TMEM164: variants seen among roughly 807,000 people sequenced by gnomAD.
TMEM164 encodes the protein RP13-360B22.2.
Under a neutral mutation model 18.8 loss-of-function variants are expected in TMEM164, and 4 were observed. The observed-to-expected ratio is 0.21, with a 90% CI of 0.10 to 0.49. TMEM164 has a LOEUF of 0.49. TMEM164 is among the 20% of genes least tolerant of loss of function. The pLI is 0.98. For synonymous variants in TMEM164, 86 were observed against 101.7 expected, an observed-to-expected ratio of 0.85 and a Z score of 0.93; for missense variants, 108 against 239.9, an observed-to-expected ratio of 0.45 and a Z score of 3.63.
At chrX:110,072,828 CT>C (rs1338638211) in intron 3 of TMEM164, among the ~76,000 whole-genome samples, 61 of 101,166 alleles carry the variant, frequency 6.0e-4, no homozygotes, top group South Asian at 3.0e-3. Flanking sequence ...TATTTTTTGT[CT>C]TTTTTTTTTT....
At chrX:110,019,979 C>A (rs1404692670) in intron 2 of TMEM164, among the ~76,000 whole-genome samples, 1 of 112,238 alleles carries the variant, frequency 8.9e-6, no homozygotes, top group East Asian at 2.8e-4. Context: ...CACTGTTAGA[C>A]AGAAATATTC....
At chrX:110,011,484 C>A (rs947266454) in intron 2 of TMEM164, among the ~76,000 whole-genome samples, 1 of 111,399 alleles carries the variant, frequency 9.0e-6, no homozygotes, top group Non-Finnish European at 1.9e-5. Context: ...TATTTGAATG[C>A]GTAGGAATTC....
chrX:110,085,964 A>C (rs1223669039), intron 3 of TMEM164, among the ~76,000 whole-genome samples: 1 of 112,393 alleles, frequency 8.9e-6, no homozygotes, highest in Admixed American at 9.5e-5. Context: ...GCCAGTTTCT[A>C]GATGAACTCT....
At position 110,121,519 on chromosome X, in the gene TMEM164, A is replaced by G. The variant is rs774386381; in HGVS notation, c.507+12373A>G. On this transcript the variant is annotated intron_variant, in intron 4 of 6. Coordinates refer to ENST00000372068, the MANE Select transcript of TMEM164 (RefSeq NM_032227.4). ...TTTCAGGGTTCATCCATGTTGTTGC[A>G]TGTATCAGTACTTCATTCCTTTTTA... Among the ~76,000 whole-genome samples the G allele has an allele frequency of 2.7e-5, 3 of 112,425 alleles. No homozygotes were observed. In the East Asian group the frequency reaches 8.4e-4, roughly 31 times the overall value.
At chrX:110,005,376 A>T (rs958958990) in intron 2 of TMEM164, among the ~76,000 whole-genome samples, 1 of 111,743 alleles carries the variant, frequency 8.9e-6, no homozygotes, top group Admixed American at 9.5e-5. Context: ...TCAACCCCAA[A>T]GTGAGGGTGG....
chrX:110,146,396 AG>A (rs752737995), intron 5 of TMEM164, among the ~76,000 whole-genome samples: 2 of 112,468 alleles, frequency 1.8e-5, no homozygotes, highest in Non-Finnish European at 3.8e-5. Flanking sequence ...AGAATAATCC[AG>A]GAAGCCACAT....
intron 3 of TMEM164, among the ~76,000 whole-genome samples, chrX:110,082,636 T>C (rs945176968): frequency 2.7e-5 from 3 of 111,461 alleles, no homozygotes; most frequent in African/African-American, 9.8e-5. Context: ...GCCTCACCAG[T>C]TATTAACAAA....
chrX:110,097,827 C>G (rs1346172081), intron 3 of TMEM164, among the ~76,000 whole-genome samples: 2 of 112,168 alleles, frequency 1.8e-5, no homozygotes, highest in African/African-American at 3.2e-5. Context: ...TTAAAATGCT[C>G]AGAATCCTGG....
chrX:110,103,520 G>T (rs2066142249), intron 3 of TMEM164, among the ~76,000 whole-genome samples: 1 of 110,494 alleles, frequency 9.1e-6, no homozygotes, highest in Non-Finnish European at 1.9e-5. Flanking sequence ...TAGCCTCCTG[G>T]GGTATAAGGG....
At chrX:110,086,586 ATATATGTATATATGTG>A (rs1211865257) in intron 3 of TMEM164, among the ~76,000 whole-genome samples, 16 of 97 alleles carry the variant, frequency 0.16, no homozygotes, top group East Asian at 0.56. Context: ...AATTTTATAT[ATATATGTATATATGTG>A]TATATATGTA....
intron 4 of TMEM164, among the ~76,000 whole-genome samples, chrX:110,135,066 T>A (rs140370194): frequency 3.2e-5 from 3 of 94,900 alleles, no homozygotes; most frequent in Non-Finnish European, 4.5e-5. Flanking sequence ...TTATAAAAAA[T>A]ATATATATAC....
intron 3 of TMEM164, among the ~76,000 whole-genome samples, chrX:110,101,580 A>ATTTTTT (rs1298157425): frequency 2.2e-5 from 2 of 90,801 alleles, no homozygotes; most frequent in African/African-American, 8.4e-5. Flanking sequence ...GGTTTTATTG[A>ATTTTTT]TTTTTTTTTT....
chrX:110,077,499 G>A (rs2065689695), intron 3 of TMEM164, among the ~76,000 whole-genome samples: 1 of 111,603 alleles, frequency 9.0e-6, no homozygotes, highest in Non-Finnish European at 1.9e-5. Context: ...CTTTCATGAT[G>A]TTGTTAATTG....
intron 3 of TMEM164, among the ~76,000 whole-genome samples, chrX:110,078,815 G>A (rs952775360): frequency 1.8e-5 from 2 of 111,914 alleles, no homozygotes; most frequent in Non-Finnish European, 3.8e-5. Context: ...GTGAAACTTT[G>A]TCTCAAAAAA....
At chrX:110,092,072 C>T (rs886369578) in intron 3 of TMEM164, among the ~76,000 whole-genome samples, 1 of 111,874 alleles carries the variant, frequency 8.9e-6, no homozygotes, top group African/African-American at 3.3e-5. Context: ...GTCCATATCT[C>T]TGTTTTGGTA....
chrX:110,172,124 G>T (rs1174092676), intron 6 of TMEM164, among the ~76,000 whole-genome samples: 1 of 111,899 alleles, frequency 8.9e-6, no homozygotes, highest in Admixed American at 9.4e-5. Context: ...TGGGGCTGGG[G>T]GTCAGGAGAC....
At chrX:110,155,033 C>G (rs889539021) in intron 5 of TMEM164, among the ~76,000 whole-genome samples, 7 of 111,635 alleles carry the variant, frequency 6.3e-5, no homozygotes, top group African/African-American at 2.3e-4. Context: ...TTATTAATTA[C>G]CCACTGTTCT....
At chrX:110,081,930 C>T (rs959170835) in intron 3 of TMEM164, among the ~76,000 whole-genome samples, 1 of 112,488 alleles carries the variant, frequency 8.9e-6, no homozygotes, top group Non-Finnish European at 1.9e-5. Context: ...TTGGCAAAGG[C>T]TGGCAACTCC....
chrX:110,121,578 C>T (rs1045783544), intron 4 of TMEM164, among the ~76,000 whole-genome samples: 1 of 112,262 alleles, frequency 8.9e-6, no homozygotes, highest in Non-Finnish European at 1.9e-5. Flanking sequence ...TTATATATCA[C>T]ATTTTGTTTA....
Sources: allele counts gnomAD v4.1 joint callset (sites outside exome capture counted in the v4.1 genomes callset), GRCh38; gene constraint gnomAD v4.1.1; transcripts MANE v1.5; gene names NCBI Gene and HGNC (gene_info 2026-07-23, HGNC 2026-07-21).